NALF1: variants seen among roughly 807,000 people sequenced by gnomAD.
NALF1 encodes NALCN channel auxiliary factor 1.
Under a neutral mutation model 48.4 loss-of-function variants are expected in NALF1, and 3 were observed. The ratio of observed to expected loss-of-function variants is 0.06; its 90% CI spans 0.03 to 0.16. NALF1 has a LOEUF of 0.16. Ranked by LOEUF, NALF1 falls within the 10% of genes least tolerant of loss-of-function variation. NALF1 has a pLI of 1.00. For missense variants in NALF1, 526 were observed against 571.5 expected, an observed-to-expected ratio of 0.92 and a Z score of 0.81; for synonymous variants, 262 against 245.7, an observed-to-expected ratio of 1.07 and a Z score of -0.62.
chr13:107,635,489 C>T (rs910153890), intron 1 of NALF1, among the ~76,000 whole-genome samples: 91 of 151,968 alleles, frequency 6.0e-4, no homozygotes, highest in African/African-American at 2.2e-3. Flanking sequence ...ATGGGAACTA[C>T]AATTCAGGAT....
At chr13:107,800,716 A>G (rs1878587421) in intron 1 of NALF1, among the ~76,000 whole-genome samples, 1 of 147,650 alleles carries the variant, frequency 6.8e-6, no homozygotes, top group South Asian at 2.1e-4. Context: ...TATAATACAT[A>G]TAAGATGTTA....
chr13:107,463,510 T>A (rs1884952928), intron 1 of NALF1, among the ~76,000 whole-genome samples: 1 of 152,206 alleles, frequency 6.6e-6, no homozygotes, highest in Non-Finnish European at 1.5e-5. Flanking sequence ...TACAGGTATA[T>A]TGAGTAAGAG....
At chr13:107,281,488 G>C (rs1389353301) in intron 1 of NALF1, among the ~76,000 whole-genome samples, 1 of 152,162 alleles carries the variant, frequency 6.6e-6, no homozygotes, top group African/African-American at 2.4e-5. Flanking sequence ...TGATGGTCCT[G>C]CTATAGGCCT....
chr13:107,588,478 A>G (rs186483348), intron 1 of NALF1, among the ~76,000 whole-genome samples: 169 of 152,186 alleles, frequency 1.1e-3, no homozygotes, highest in Non-Finnish European at 2.1e-3. Flanking sequence ...TTGGGTACAG[A>G]AAAAGCACCT....
At chr13:107,714,392 C>A (rs1193871417) in intron 1 of NALF1, among the ~76,000 whole-genome samples, 2 of 152,016 alleles carry the variant, frequency 1.3e-5, no homozygotes, top group Non-Finnish European at 2.9e-5. Flanking sequence ...CCAGGCCAGG[C>A]GCAGTGGCTC....
At chr13:107,833,021 T>G (rs188309326) in intron 1 of NALF1, among the ~76,000 whole-genome samples, 3 of 152,270 alleles carry the variant, frequency 2.0e-5, no homozygotes, top group Admixed American at 6.5e-5. Context: ...TTTCCATTCT[T>G]CCTGTGGCCC....
intron 1 of NALF1, among the ~76,000 whole-genome samples, chr13:107,784,103 C>A (rs1566480598): frequency 6.6e-6 from 1 of 152,108 alleles, no homozygotes; most frequent in South Asian, 2.1e-4. Context: ...TGCCAAGCTG[C>A]ATGGGATTTC....
chr13:107,291,974 C>T (rs1050897104), intron 1 of NALF1, among the ~76,000 whole-genome samples: 2 of 152,164 alleles, frequency 1.3e-5, no homozygotes, highest in Admixed American at 6.5e-5. Context: ...AAATATCCTG[C>T]TCCTATTGAT....
chr13:107,350,583 A>G (rs1008604797), intron 1 of NALF1, among the ~76,000 whole-genome samples: 4 of 152,156 alleles, frequency 2.6e-5, no homozygotes, highest in Admixed American at 2.6e-4. Context: ...AAACAAATAG[A>G]TGTTTACTTG....
intron 1 of NALF1, among the ~76,000 whole-genome samples, chr13:107,548,551 C>T (rs1877200857): frequency 6.6e-6 from 1 of 152,012 alleles, no homozygotes; most frequent in Non-Finnish European, 1.5e-5. Flanking sequence ...CACTGATTTC[C>T]ACAATAATTG....
At chr13:107,678,178 T>C (rs1881182097) in intron 1 of NALF1, among the ~76,000 whole-genome samples, 1 of 152,212 alleles carries the variant, frequency 6.6e-6, no homozygotes, top group South Asian at 2.1e-4. Flanking sequence ...TATTTACTTT[T>C]AGCTTGCACT....
At chr13:107,670,232 T>C (rs1880957693) in intron 1 of NALF1, among the ~76,000 whole-genome samples, 1 of 152,204 alleles carries the variant, frequency 6.6e-6, no homozygotes, top group South Asian at 2.1e-4. Flanking sequence ...TGTGGTCTTA[T>C]TGACGAGTAA....
Position 107,592,011 on chromosome 13 carries a change from G to T in NALF1, c.915+273671C>A, listed in dbSNP as rs531191965. Among the ~76,000 whole-genome samples, 4 of 152,014 alleles carry T rather than the reference G, an allele frequency of 2.6e-5. No homozygotes were observed. In the South Asian group the frequency reaches 6.2e-4, roughly 24 times the overall value. On this transcript the variant is annotated intron_variant, in intron 1 of 2. Coordinates refer to ENST00000375915, the MANE Select transcript of NALF1 (RefSeq NM_001080396.3). ...ACACTTTCTAATGATTTTACTCAGTGTTCCTTAGAAATCTGCTATACTATC... is the reference window on the plus strand; with the variant it reads ...ACACTTTCTAATGATTTTACTCAGTTTTCCTTAGAAATCTGCTATACTATC...
chr13:107,601,613 C>T (rs1566410319), intron 1 of NALF1, among the ~76,000 whole-genome samples: 1 of 152,066 alleles, frequency 6.6e-6, no homozygotes, highest in Non-Finnish European at 1.5e-5. Context: ...TAGGAATATC[C>T]TAATAAAGCC....
At chr13:107,575,060 T>C (rs558709145) in intron 1 of NALF1, among the ~76,000 whole-genome samples, 5 of 152,174 alleles carry the variant, frequency 3.3e-5, no homozygotes, top group East Asian at 3.9e-4. Context: ...ATTTTCACCG[T>C]ACGAGGAGCA....
At chr13:107,404,865 T>C (rs556081378) in intron 1 of NALF1, among the ~76,000 whole-genome samples, 1 of 152,246 alleles carries the variant, frequency 6.6e-6, no homozygotes, top group African/African-American at 2.4e-5. Flanking sequence ...GCAAGGAATG[T>C]AACTTGTGAC....
intron 1 of NALF1, 151 bp from the exon 2 acceptor site, chr13:107,210,906 C>G: frequency 5.1e-6 from 3 of 590,378 alleles, no homozygotes; most frequent in Middle Eastern, 4.4e-4. Context: ...ACGACAGCTG[C>G]AAGTGATAAA....
intron 1 of NALF1, among the ~76,000 whole-genome samples, chr13:107,576,218 T>A (rs1223155219): frequency 6.6e-6 from 1 of 152,172 alleles, no homozygotes; most frequent in Non-Finnish European, 1.5e-5. Context: ...ACAGGTCTTA[T>A]CATTGCAGAT....
At chr13:107,812,852 G>A (rs998830619) in intron 1 of NALF1, among the ~76,000 whole-genome samples, 8 of 152,000 alleles carry the variant, frequency 5.3e-5, no homozygotes, top group South Asian at 2.1e-4. Context: ...CTAGGTTGGC[G>A]TGCAGTGGTG....
Sources: allele counts gnomAD v4.1 joint callset (sites outside exome capture counted in the v4.1 genomes callset), GRCh38; gene constraint gnomAD v4.1.1; transcripts MANE v1.5; gene names NCBI Gene and HGNC (gene_info 2026-07-23, HGNC 2026-07-21).